The following KDM2A variants were observed in gnomAD, a reference collection of about 807,000 sequenced individuals.
The protein encoded by KDM2A is lysine demethylase 2A.
KDM2A carries 3 observed loss-of-function variants against 137.3 expected under a neutral mutation model. The ratio of observed to expected loss-of-function variants is 0.02; its 90% CI spans 0.01 to 0.06. The LOEUF is 0.06. Ranked by LOEUF, KDM2A falls within the 10% of genes least tolerant of loss-of-function variation. The pLI is 1.00. For synonymous variants in KDM2A, 512 were observed against 541.5 expected (o/e 0.95, Z 0.76); for missense variants, 738 against 1,510.6 (o/e 0.49, Z 8.48).
At chr11:67,144,964 G>A (rs907883339) in intron 2 of KDM2A, among the ~76,000 whole-genome samples, 5 of 151,676 alleles carry the variant, frequency 3.3e-5, no homozygotes, top group South Asian at 4.2e-4. Context: ...TTTGCCTCCC[G>A]GGTCATGTGA....
intron 6 of KDM2A, among the ~76,000 whole-genome samples, chr11:67,209,960 C>T (rs1313465926): frequency 1.3e-5 from 2 of 151,700 alleles, no homozygotes; most frequent in Admixed American, 1.3e-4. Flanking sequence ...CTCAAGAGAC[C>T]GAGGTGGGAG....
In KDM2A at chr11:67,250,955, T is replaced by G. The variant is rs1487083887; in HGVS notation, c.2768+157T>G. Among the ~76,000 whole-genome samples, 1 of 152,184 alleles carries G rather than the reference T, an allele frequency of 6.6e-6. No homozygotes were observed. Among genetic ancestry groups the G allele is most frequent in the Non-Finnish European group, 1.5e-5 (1 of 68,028 alleles). Reference sequence around the variant, plus strand: ...CCAAACTTTGGGTCCTGTTTAAAGATGTAGCCTGTTGTACCCGCAGATGTC... The same window carrying G: ...CCAAACTTTGGGTCCTGTTTAAAGAGGTAGCCTGTTGTACCCGCAGATGTC... On this transcript the variant is annotated intron_variant, in intron 17 of 20. Coordinates refer to ENST00000529006, the MANE Select transcript of KDM2A (RefSeq NM_012308.3). This position sits in a 1 kb window ranked among gnomAD's most constrained non-coding sequence, Gnocchi z 7.1.
chr11:67,214,330 G>A (rs1258300220), intron 6 of KDM2A, among the ~76,000 whole-genome samples: 1 of 150,382 alleles, frequency 6.6e-6, no homozygotes, highest in East Asian at 2.0e-4. Context: ...TCAGCCTCCC[G>A]AGTAGCTGGG....
At chr11:67,246,982 G>T (rs1859237149) in intron 15 of KDM2A, among the ~76,000 whole-genome samples, 1 of 138,622 alleles carries the variant, frequency 7.2e-6, no homozygotes, top group South Asian at 2.4e-4. Flanking sequence ...TTGTTGCCCA[G>T]GCTAGAGTGC....
intron 2 of KDM2A, among the ~76,000 whole-genome samples, chr11:67,136,088 A>G (rs1409877884): frequency 6.6e-6 from 1 of 152,224 alleles, no homozygotes; most frequent in Non-Finnish European, 1.5e-5. Context: ...GTCACACTGC[A>G]TATTTGAAAG....
At chr11:67,177,272 A>C (rs1317267413) in intron 2 of KDM2A, among the ~76,000 whole-genome samples, 1 of 152,172 alleles carries the variant, frequency 6.6e-6, no homozygotes, top group Non-Finnish European at 1.5e-5. Flanking sequence ...TCTCAAAAAA[A>C]TATTACTACT....
chr11:67,207,733 G>A (rs533753661), intron 6 of KDM2A, 45 bp downstream of exon 6: 2 of 1,460,940 alleles, frequency 1.4e-6, no homozygotes, highest in African/African-American at 1.4e-5. Flanking sequence ...CACCAAAAGG[G>A]TTGTTTTCGG....
At chr11:67,160,973 A>G (rs1856622319) in intron 2 of KDM2A, among the ~76,000 whole-genome samples, 1 of 152,214 alleles carries the variant, frequency 6.6e-6, no homozygotes, top group Non-Finnish European at 1.5e-5. Context: ...AACAAAAAAT[A>G]GCAAATTAGA....
intron 5 of KDM2A, chr11:67,195,998 C>A: frequency 2.3e-6 from 1 of 426,424 alleles, no homozygotes; most frequent in South Asian, 2.0e-5. Flanking sequence ...TCAAACTTAT[C>A]TCAGAACCAC....
chr11:67,252,700 C>T lies in KDM2A; in HGVS notation c.2775C>T (p.Cys925=), dbSNP rs373160417. ...CTCTTCCCTTCTATCACAGGTGCTGCGACAAGAGACTTTGGACAAAAATTG... is the reference window on the plus strand; with the variant it reads ...CTCTTCCCTTCTATCACAGGTGCTGTGACAAGAGACTTTGGACAAAAATTG... ...RVCKTWYKWC[C]DKRLWTKIDL... The change falls in exon 18 of 21, where the codon TGC becomes TGT. Residue 925 remains cysteine, a synonymous_variant. Coordinates refer to ENST00000529006, the MANE Select transcript of KDM2A (RefSeq NM_012308.3). 41 of 1,613,748 alleles carry T rather than the reference C, an allele frequency of 2.5e-5. No homozygotes were observed. The African/African-American group carries it at 3.7e-4, about 15-fold the overall frequency.
intron 12 of KDM2A, among the ~76,000 whole-genome samples, chr11:67,237,108 A>T (rs1209638835): frequency 6.6e-6 from 1 of 152,236 alleles, no homozygotes; most frequent in Non-Finnish European, 1.5e-5. Context: ...TAAATTTATT[A>T]CTACAACATT....
intron 5 of KDM2A, among the ~76,000 whole-genome samples, chr11:67,200,649 A>G (rs1857597572): frequency 6.6e-6 from 1 of 152,068 alleles, no homozygotes; most frequent in Non-Finnish European, 1.5e-5. Context: ...CTGGGACTAC[A>G]AGCACATGCC....
chr11:67,250,598 G>C lies in KDM2A; in HGVS notation c.2568G>C (p.Glu856Asp). Reference protein sequence around the residue: ...QRGDEEGLGGEEEEEEEEEEE... With the variant: ...QRGDEEGLGGDEEEEEEEEEE... ...GGGATGAGGAGGGGCTGGGGGGAGA[G>C]GAGGAGGAAGAGGAGGAGGAGGAGG... The change falls in exon 17 of 21, where the codon GAG (glutamate) becomes GAC (aspartate). Residue 856 changes from glutamate (E) to aspartate (D), a missense_variant. By Grantham distance (45) the Glu-to-Asp change is conservative. Transcript: ENST00000529006. This position sits in a 1 kb window ranked among gnomAD's most constrained non-coding sequence, Gnocchi z 7.1. 4 of 1,612,466 alleles carry C rather than the reference G, an allele frequency of 2.5e-6. No individual in the cohort carries two copies. Among genetic ancestry groups the C allele is most frequent in the Non-Finnish European group, 2.5e-6 (3 of 1,178,890 alleles).
intron 5 of KDM2A, among the ~76,000 whole-genome samples, chr11:67,198,188 A>G (rs1479288246): frequency 6.6e-6 from 1 of 152,210 alleles, no homozygotes; most frequent in African/African-American, 2.4e-5. Context: ...GTGTTGTTCA[A>G]GGATCAACTG....
chr11:67,165,365 G>A (rs767829860), intron 2 of KDM2A, among the ~76,000 whole-genome samples: 12 of 151,708 alleles, frequency 7.9e-5, no homozygotes, highest in Non-Finnish European at 1.6e-4. Flanking sequence ...CAGATGATCT[G>A]CCCACCTCAG....
chr11:67,252,577 A>C, intron 17 of KDM2A, 117 bp from the exon 18 acceptor site: 1 of 1,132,744 alleles, frequency 8.8e-7, no homozygotes, highest in Non-Finnish European at 1.3e-6. Flanking sequence ...ATCCCTGTAC[A>C]CTTGTAGAAG....
intron 2 of KDM2A, among the ~76,000 whole-genome samples, chr11:67,157,000 C>T (rs775385538): frequency 6.6e-6 from 1 of 152,152 alleles, no homozygotes; most frequent in East Asian, 1.9e-4. Flanking sequence ...AATATTTACC[C>T]TCTGGCCCCT....
At chr11:67,243,139 T>C (rs1396597643) in intron 13 of KDM2A, 47 bp downstream of exon 13, 6 of 1,354,640 alleles carry the variant, frequency 4.4e-6, no homozygotes, top group Middle Eastern at 1.8e-4. Flanking sequence ...AGCCTTTTGT[T>C]AGTTGATCAT....
At chr11:67,184,951 A>C (rs775142669) in intron 5 of KDM2A, among the ~76,000 whole-genome samples, 15 of 152,194 alleles carry the variant, frequency 9.9e-5, no homozygotes, top group Non-Finnish European at 2.1e-4. Flanking sequence ...TTCAACAAAA[A>C]ATCATAAGGC....
Sources: allele counts gnomAD v4.1 joint callset (sites outside exome capture counted in the v4.1 genomes callset), GRCh38; gene constraint gnomAD v4.1.1; non-coding constraint Gnocchi (gnomAD v3.1); transcripts MANE v1.5; gene names NCBI Gene and HGNC (gene_info 2026-07-23, HGNC 2026-07-21).